Variants in TMEM120B observed in about 807,000 individuals in gnomAD.
The protein encoded by TMEM120B is transmembrane protein 120B.
Under a neutral mutation model 55.5 loss-of-function variants are expected in TMEM120B, and 31 were observed. The observed-to-expected ratio is 0.56, with a 90% confidence interval of 0.42 to 0.75. TMEM120B has a LOEUF of 0.75. TMEM120B is among the 30% of genes least tolerant of loss of function. TMEM120B has a pLI of 0.00. For missense variants in TMEM120B, 399 were observed against 425.5 expected (o/e 0.94, Z 0.55); for synonymous variants, 203 against 176.3 (o/e 1.15, Z -1.20).
chr12:121,743,068 T>C (rs1340852240), intron 1 of TMEM120B, among the ~76,000 whole-genome samples: 1 of 152,202 alleles, frequency 6.6e-6, no homozygotes, highest in Non-Finnish European at 1.5e-5. Context: ...AAGTCTCTTA[T>C]ATTTTTCCTG....
chr12:121,742,472 C>T (rs903002544), intron 1 of TMEM120B, among the ~76,000 whole-genome samples: 1 of 152,150 alleles, frequency 6.6e-6, no homozygotes, highest in East Asian at 1.9e-4. Flanking sequence ...GTTGGCTTAT[C>T]GTTGCTTTGT....
intron 5 of TMEM120B, among the ~76,000 whole-genome samples, chr12:121,757,200 C>T (rs978446562): frequency 4.0e-5 from 6 of 151,582 alleles, no homozygotes; most frequent in Non-Finnish European, 8.8e-5. Flanking sequence ...CTCACTCTGT[C>T]ACCCAGGCTG....
At chr12:121,738,198 G>A (rs369399086) in intron 1 of TMEM120B, among the ~76,000 whole-genome samples, 2 of 152,004 alleles carry the variant, frequency 1.3e-5, no homozygotes, top group Non-Finnish European at 2.9e-5. Flanking sequence ...GGCAGAGGTT[G>A]CAGTGAGCCG....
Position 121,776,085 on chromosome 12 carries a change from G to A in TMEM120B, c.*363G>A, listed in dbSNP as rs369213006. The A allele has an allele frequency of 5.4e-5, 29 of 540,168 alleles. No individual in the cohort carries two copies. In the Admixed American group the frequency reaches 6.1e-4, roughly 11 times the overall value. The allele number at this position is 540,168 out of a possible 1,614,324, so 33.5% of individuals were successfully genotyped here. A position where few individuals can be genotyped will look rare whatever the true frequency, so the allele number is the denominator to read the frequency against. On this transcript the variant is annotated 3_prime_UTR_variant, in exon 12 of 12. Coordinates refer to ENST00000449592, the MANE Select transcript of TMEM120B (RefSeq NM_001080825.2). ...TCTGGGTGGGGTTTGGATGTGCCTCGCGGGGTTGGATTTATGCTGACCTGC... is the reference window on the plus strand; with the variant it reads ...TCTGGGTGGGGTTTGGATGTGCCTCACGGGGTTGGATTTATGCTGACCTGC...
intron 5 of TMEM120B, among the ~76,000 whole-genome samples, chr12:121,753,889 C>G (rs946703937): frequency 6.6e-6 from 1 of 152,182 alleles, no homozygotes; most frequent in Non-Finnish European, 1.5e-5. Context: ...TCCACCCTGG[C>G]TGGCACGTGG....
intron 1 of TMEM120B, among the ~76,000 whole-genome samples, chr12:121,739,128 A>G (rs1424276646): frequency 1.3e-5 from 2 of 152,198 alleles, no homozygotes; most frequent in African/African-American, 2.4e-5. Context: ...CAGAGGTTGC[A>G]GTGAGCCAAG....
At chr12:121,774,582 G>A in intron 9 of TMEM120B, 76 bp from the exon 10 acceptor site, 1 of 1,432,970 alleles carries the variant, frequency 7.0e-7, no homozygotes, top group Admixed American at 1.8e-5. Context: ...TGGTGTGGCT[G>A]GGGGTGGGCG....
At position 121,734,141 on chromosome 12, in the gene TMEM120B, G is replaced by A. The variant is rs570686717; in HGVS notation, c.70-9488G>A. On this transcript the variant is annotated intron_variant, in intron 1 of 11. Coordinates refer to ENST00000449592, the MANE Select transcript of TMEM120B (RefSeq NM_001080825.2). ...GTGGATTCTGTGGGTCAGGAATATA[G>A]ACAGGGCATAGAGGGAGGCCTGACT... 8.2e-5 allele frequency among the ~76,000 whole-genome samples: 12 copies of A among 146,224 alleles called. No homozygotes were observed. The South Asian group carries it at 2.6e-3, about 32-fold the overall frequency.
At position 121,779,259 on chromosome 12, in the gene TMEM120B, G is replaced by A. The variant is rs545565870; in HGVS notation, c.*3537G>A. 15 of 560,376 alleles carry A rather than the reference G, an allele frequency of 2.7e-5. No individual in the cohort carries two copies. The highest frequency in any genetic ancestry group is 8.8e-5 in the South Asian group (4 of 45,612). The allele number at this position is 560,376 out of a possible 1,614,324, so 34.7% of individuals were successfully genotyped here. A position where few individuals can be genotyped will look rare whatever the true frequency, so the allele number is the denominator to read the frequency against. ...TGTGATGAGGGCACTTGCGAGTCCC[G>A]ACAACAGACACTGGCTCCTGCACCC... On this transcript the variant is annotated 3_prime_UTR_variant, in exon 12 of 12. Coordinates refer to ENST00000449592, the MANE Select transcript of TMEM120B (RefSeq NM_001080825.2).
rs778836383 is a variant in TMEM120B, at chr12:121,775,140, G to C, written c.906+10G>C. The stretch of plus-strand genomic sequence containing the variant: ...ATGCAGAGAATGGCAGGTATGGGGG[G>C]TGGGGGCATGCTCGGGGGAGGTTCC... On this transcript the variant is annotated intron_variant, in intron 11 of 11. Transcript: ENST00000449592. This position sits in a 1 kb window ranked among gnomAD's most constrained non-coding sequence, Gnocchi z 4.3. 6.2e-7 allele frequency: 1 copy of C among 1,604,154 alleles called. No homozygotes were observed. Among genetic ancestry groups the C allele is most frequent in the South Asian group, 1.1e-5 (1 of 90,446 alleles).
At chr12:121,766,183 G>A (rs941540253) in intron 6 of TMEM120B, among the ~76,000 whole-genome samples, 1 of 152,124 alleles carries the variant, frequency 6.6e-6, no homozygotes, top group Non-Finnish European at 1.5e-5. Flanking sequence ...TGGGACAGGA[G>A]GTGTGGTCAG....
intron 1 of TMEM120B, among the ~76,000 whole-genome samples, chr12:121,731,014 G>A (rs1263354023): frequency 6.6e-6 from 1 of 152,002 alleles, no homozygotes; most frequent in Non-Finnish European, 1.5e-5. Context: ...GCGGTACCTA[G>A]AGTAGTCAAA....
rs759622409 is a variant in TMEM120B, at chr12:121,743,695, TC to T, written c.138del (p.Ile47SerfsTer11). 8.1e-6 allele frequency: 13 copies of T among 1,613,586 alleles called. No individual in the cohort carries two copies. Among genetic ancestry groups the T allele is most frequent in the Non-Finnish European group, 1.0e-5 (12 of 1,179,954 alleles). On this transcript the variant is annotated frameshift_variant, in exon 2 of 12. Transcript: ENST00000449592. LOFTEE classifies it high-confidence loss of function. The part of the protein sequence containing the change: ...LAALQTLCSS[S>X]ISKQKKHLKD... ...TGCGCTGCAGACGCTGTGTAGCAGT[TC>T]CATCAGTAAGCAGAAGAAGCACCTC...
At chr12:121,758,241 G>T (rs1041883323) in intron 5 of TMEM120B, 17 of 985,462 alleles carry the variant, frequency 1.7e-5, no homozygotes, top group Non-Finnish European at 2.0e-5. Flanking sequence ...TCACATGGTG[G>T]GTCGGCCTCT....
rs528932637 is a variant in TMEM120B, at chr12:121,757,529, T to A, written c.462-4120T>A. Among the ~76,000 whole-genome samples the A allele has an allele frequency of 3.1e-3, 463 of 148,746 alleles. 4 individuals carry two copies. Among genetic ancestry groups the A allele is most frequent in the African/African-American group, 0.011 (433 of 40,300 alleles). On this transcript the variant is annotated intron_variant, in intron 5 of 11. Transcript: ENST00000449592. ...GCTAATTATTATTATTATTTATTTT[T>A]TTTTTGAGACAGAGTCTTGCTTTGT...
intron 10 of TMEM120B, 101 bp downstream of exon 10, chr12:121,774,823 G>A: frequency 7.1e-7 from 1 of 1,416,854 alleles, no homozygotes; most frequent in Non-Finnish European, 9.7e-7. Context: ...TCCCCATGCT[G>A]GGGCCCACAG....
chr12:121,738,055 C>A (rs1298395349), intron 1 of TMEM120B, among the ~76,000 whole-genome samples: 2 of 150,312 alleles, frequency 1.3e-5, no homozygotes, highest in East Asian at 3.9e-4. Context: ...GTGGCTCACA[C>A]CTGTAATCTA....
chr12:121,779,767 C>G lies in TMEM120B; in HGVS notation c.*4045C>G. On this transcript the variant is annotated 3_prime_UTR_variant, in exon 12 of 12. Coordinates refer to ENST00000449592, the MANE Select transcript of TMEM120B (RefSeq NM_001080825.2). ...TCTGAGGACTCTGCAGGGATGGAGG[C>G]CTTGGTTTGGGCCTGTCTGTCTCCT... The G allele has an allele frequency of 1.6e-6, 2 of 1,262,130 alleles. No individual in the cohort carries two copies. The highest frequency in any genetic ancestry group is 2.2e-6 in the Non-Finnish European group (2 of 902,286). The allele number at this position is 1,262,130 out of a possible 1,614,324, so 78.2% of individuals were successfully genotyped here.
chr12:121,719,260 G>C (rs1894752802), intron 1 of TMEM120B, among the ~76,000 whole-genome samples: 2 of 152,016 alleles, frequency 1.3e-5, no homozygotes, highest in African/African-American at 4.8e-5. Context: ...AAAAAACAGA[G>C]AGAGGGATGC....
Sources: allele counts gnomAD v4.1 joint callset (sites outside exome capture counted in the v4.1 genomes callset), GRCh38; gene constraint gnomAD v4.1.1; non-coding constraint Gnocchi (gnomAD v3.1); transcripts MANE v1.5; gene names NCBI Gene and HGNC (gene_info 2026-07-23, HGNC 2026-07-21).